The following NDUFV2 variants were observed in gnomAD, a reference collection of about 807,000 sequenced individuals.
NDUFV2 encodes the protein NADH:ubiquinone oxidoreductase core subunit V2.
In NDUFV2, 18 loss-of-function variants were observed where a neutral mutation model predicts 31.6. The observed-to-expected ratio is 0.57, with a 90% CI of 0.39 to 0.84. The LOEUF (loss-of-function observed/expected upper bound fraction) is 0.84, where lower values mean the gene tolerates loss of function less well. Among genes scored for constraint, NDUFV2 ranks in the 40% least tolerant of loss-of-function variants. The pLI, the probability that NDUFV2 is intolerant of heterozygous loss-of-function variation, is 0.00. For missense variants in NDUFV2, 314 were observed against 303.6 expected, an observed-to-expected ratio of 1.03 and a Z score of -0.26; for synonymous variants, 83 against 99.8, an observed-to-expected ratio of 0.83 and a Z score of 1.01.
In NDUFV2 at chr18:9,126,818, AT is replaced by A. The variant is rs764124124; in HGVS notation, c.580-5del. 6.9e-6 allele frequency: 11 copies of A among 1,602,428 alleles called. No homozygotes were observed. The highest frequency in any genetic ancestry group is 9.4e-6 in the Non-Finnish European group (11 of 1,169,662). On this transcript the variant is annotated splice_polypyrimidine_tract_variant and intron_variant, in intron 6 of 7. Transcript: ENST00000318388. Reference sequence around the variant, plus strand: ...AGTAATTTAAATATGACTATTGTTAATTTTTTTTCCAGGAGGATTTGACAGC... The same window carrying A: ...AGTAATTTAAATATGACTATTGTTAATTTTTTTCCAGGAGGATTTGACAGC...
At chr18:9,127,597 G>C (rs1226907204) in intron 7 of NDUFV2, among the ~76,000 whole-genome samples, 1 of 152,072 alleles carries the variant, frequency 6.6e-6, no homozygotes, top group Admixed American at 6.6e-5. Flanking sequence ...TCAGCCTCCC[G>C]AGTAGCTGGG....
intron 4 of NDUFV2, among the ~76,000 whole-genome samples, chr18:9,120,656 A>T (rs950996218): frequency 1.0e-5 from 1 of 97,532 alleles, no homozygotes; most frequent in Non-Finnish European, 2.2e-5. Context: ...TTTGCATTGT[A>T]TAGTACTATA....
chr18:9,126,038 ACTTT>A (rs1253102669), intron 6 of NDUFV2, among the ~76,000 whole-genome samples: 2 of 152,038 alleles, frequency 1.3e-5, no homozygotes, highest in African/African-American at 2.4e-5. Flanking sequence ...TTGATGTTCC[ACTTT>A]CTTTCTTTGG....
chr18:9,130,644 C>T (rs1246926160), intron 7 of NDUFV2, among the ~76,000 whole-genome samples: 1 of 151,954 alleles, frequency 6.6e-6, no homozygotes, highest in African/African-American at 2.4e-5. Context: ...TAGCAATAAC[C>T]ATAATATAGT....
chr18:9,104,851 G>A, intron 1 of NDUFV2: 1 of 1,345,644 alleles, frequency 7.4e-7, no homozygotes. Flanking sequence ...ACTGAGACTA[G>A]CAAGTAGAGT....
chr18:9,118,884 C>A (rs936597231), intron 2 of NDUFV2, among the ~76,000 whole-genome samples: 1 of 139,144 alleles, frequency 7.2e-6, no homozygotes, highest in Admixed American at 7.5e-5. Context: ...GGTCTTAACC[C>A]TTTTGGATCC....
At position 9,122,695 on chromosome 18, in the gene NDUFV2, G is replaced by T; in HGVS notation, c.469+14G>T. 1 of 1,613,114 alleles carries T rather than the reference G, an allele frequency of 6.2e-7. No homozygotes were observed. The highest frequency in any genetic ancestry group is 1.7e-5 in the Admixed American group (1 of 60,016). On this transcript the variant is annotated intron_variant, in intron 5 of 7. Transcript: ENST00000318388. ...AGAAAAAGCTTGGTAGGGAATACAT[G>T]ATATTTGTAACACTGATAAAAAGTA...
At chr18:9,110,466 AGTT>A (rs2077864233) in intron 1 of NDUFV2, among the ~76,000 whole-genome samples, 1 of 151,962 alleles carries the variant, frequency 6.6e-6, no homozygotes, top group South Asian at 2.1e-4. Context: ...AAGATTTATC[AGTT>A]TATCTTCACT....
At chr18:9,130,195 C>G (rs2078027880) in intron 7 of NDUFV2, among the ~76,000 whole-genome samples, 1 of 152,096 alleles carries the variant, frequency 6.6e-6, no homozygotes, top group Non-Finnish European at 1.5e-5. Context: ...AGTTATAAAT[C>G]TGGATGACAT....
At chr18:9,103,254 G>C (rs1049467366) in intron 1 of NDUFV2, 1 of 397,786 alleles carries the variant, frequency 2.5e-6, no homozygotes, top group Non-Finnish European at 4.4e-6. Context: ...CATTAGGGCT[G>C]GAAAAGGGTG....
chr18:9,134,115 T>C (rs1035209425), intron 7 of NDUFV2, 71 bp from the exon 8 acceptor site: 17 of 1,166,484 alleles, frequency 1.5e-5, no homozygotes, highest in Non-Finnish European at 2.0e-5. Flanking sequence ...TCTTGTGAGG[T>C]AACCATTACA....
chr18:9,132,009 C>G (rs1168808210), intron 7 of NDUFV2, among the ~76,000 whole-genome samples: 2 of 151,908 alleles, frequency 1.3e-5, no homozygotes, highest in African/African-American at 4.8e-5. Flanking sequence ...TTTTTGTAGC[C>G]TTTGTAGTAT....
intron 2 of NDUFV2, among the ~76,000 whole-genome samples, chr18:9,118,806 G>C (rs1458389095): frequency 7.4e-6 from 1 of 134,730 alleles, no homozygotes; most frequent in Non-Finnish European, 1.6e-5. Context: ...GTGGGAAAGA[G>C]ATGGTGCTGT....
At chr18:9,106,323 G>A (rs1323389644) in intron 1 of NDUFV2, among the ~76,000 whole-genome samples, 1 of 152,166 alleles carries the variant, frequency 6.6e-6, no homozygotes, top group Admixed American at 6.5e-5. Context: ...TTTTATGAAT[G>A]TAGACTCCCC....
chr18:9,111,911 C>T (rs908962853), intron 1 of NDUFV2, among the ~76,000 whole-genome samples: 1 of 151,492 alleles, frequency 6.6e-6, no homozygotes, highest in African/African-American at 2.4e-5. Flanking sequence ...TTCAGAGGTG[C>T]TAGAATGTGG....
chr18:9,125,069 T>C (rs2077977572), intron 6 of NDUFV2, 86 bp downstream of exon 6: 1 of 1,413,070 alleles, frequency 7.1e-7, no homozygotes, highest in Admixed American at 2.0e-5. Flanking sequence ...CCTTAGATGT[T>C]GGTTTCTGAA....
chr18:9,128,819 GAA>G (rs1473447332), intron 7 of NDUFV2, among the ~76,000 whole-genome samples: 1 of 152,178 alleles, frequency 6.6e-6, no homozygotes, highest in Admixed American at 6.5e-5. Flanking sequence ...GTACTCTAAA[GAA>G]TATCTCAAGT....
intron 1 of NDUFV2, among the ~76,000 whole-genome samples, chr18:9,114,392 AAC>A (rs890939296): frequency 1.3e-5 from 2 of 150,072 alleles, no homozygotes; most frequent in Admixed American, 6.6e-5. Flanking sequence ...AAAGTCAACT[AAC>A]AGCACAATTT....
Position 9,102,780 on chromosome 18 carries a change from G to A in NDUFV2, c.37G>A (p.Gly13Ser). The change falls in exon 1 of 8, where the codon GGC (glycine) becomes AGC (serine). Residue 13 changes from glycine to serine, a missense_variant. Transcript: ENST00000318388. ...FSAALRARAAGLTAHWGRHVR... is the reference protein window; with the variant it reads ...FSAALRARAASLTAHWGRHVR... ...CGCGGCGCTCCGGGCCCGGGCGGCT[G>A]GCCTCACCGCCCACTGGGTAAGGAG... is the stretch of plus-strand genomic sequence containing the variant. The A allele has an allele frequency of 6.3e-7, 1 of 1,579,766 alleles. No individual in the cohort carries two copies.
Sources: allele counts gnomAD v4.1 joint callset (sites outside exome capture counted in the v4.1 genomes callset), GRCh38; gene constraint gnomAD v4.1.1; transcripts MANE v1.5; gene names NCBI Gene and HGNC (gene_info 2026-07-23, HGNC 2026-07-21).